PRKG1: variants seen among roughly 807,000 people sequenced by gnomAD.
PRKG1 encodes cGMP-dependent protein kinase 1.
Under a neutral mutation model 88.1 loss-of-function variants are expected in PRKG1, and 35 were observed. That is an observed-to-expected ratio of 0.40 (90% CI 0.30 to 0.53). The LOEUF (loss-of-function observed/expected upper bound fraction) is 0.53, where lower values mean the gene tolerates loss of function less well. Among genes scored for constraint, PRKG1 ranks in the 20% least tolerant of loss-of-function variants. PRKG1 has a pLI of 0.59. For missense variants in PRKG1, 540 were observed against 839.8 expected, an observed-to-expected ratio of 0.64 and a Z score of 4.41; for synonymous variants, 303 against 292.5, an observed-to-expected ratio of 1.04 and a Z score of -0.37.
intron 1 of PRKG1, among the ~76,000 whole-genome samples, chr10:51,013,682 GC>G (rs1843021897): frequency 6.6e-6 from 1 of 152,116 alleles, no homozygotes; most frequent in African/African-American, 2.4e-5. Context: ...GAGCCACTGC[GC>G]CCGGCCCTGT....
intron 2 of PRKG1, among the ~76,000 whole-genome samples, chr10:51,381,082 C>T (rs1352103814): frequency 6.6e-6 from 1 of 150,430 alleles, no homozygotes. Flanking sequence ...CATGGTGAAA[C>T]CCCATCTCTA....
chr10:51,687,341 T>A (rs967454601), intron 3 of PRKG1, among the ~76,000 whole-genome samples: 1 of 152,198 alleles, frequency 6.6e-6, no homozygotes, highest in African/African-American at 2.4e-5. Context: ...ACTATTCTTG[T>A]TATACTGGTC....
chr10:51,753,237 T>G (rs7921318), intron 3 of PRKG1, among the ~76,000 whole-genome samples: 72,253 of 151,874 alleles, frequency 0.48, 17,788 homozygotes, highest in Middle Eastern at 0.61. Context: ...AGAAATCATA[T>G]AATGATTAAA....
chr10:52,170,116 G>T (rs12762538), intron 9 of PRKG1, among the ~76,000 whole-genome samples: 26,862 of 152,102 alleles, frequency 0.18, 2,834 homozygotes, highest in Non-Finnish European at 0.24. Context: ...GAATAAAAAG[G>T]TTTTCTTAAT....
intron 2 of PRKG1, among the ~76,000 whole-genome samples, chr10:51,220,730 TGTATAGGGAA>T (rs1478906260): frequency 6.6e-6 from 1 of 152,172 alleles, no homozygotes; most frequent in Non-Finnish European, 1.5e-5. Flanking sequence ...TGTGTTTGTA[TGTATAGGGAA>T]GTTTATTTTT....
intron 1 of PRKG1, among the ~76,000 whole-genome samples, chr10:51,022,590 T>C (rs1041640840): frequency 6.6e-6 from 1 of 152,156 alleles, no homozygotes; most frequent in Non-Finnish European, 1.5e-5. Flanking sequence ...CTCAGCTCTT[T>C]AATGTAAACT....
chr10:52,233,593 G>T, intron 9 of PRKG1, among the ~76,000 whole-genome samples: 1 of 147,640 alleles, frequency 6.8e-6, no homozygotes, highest in African/African-American at 2.5e-5. Context: ...CCCGAATATT[G>T]CGCTTTTCAG....
intron 2 of PRKG1, among the ~76,000 whole-genome samples, chr10:51,252,055 ATG>A (rs139723461): frequency 6.6e-6 from 1 of 151,516 alleles, no homozygotes; most frequent in African/African-American, 2.4e-5. Flanking sequence ...AATGTAATTC[ATG>A]TGTGTGTGTG....
intron 7 of PRKG1, among the ~76,000 whole-genome samples, chr10:52,131,596 C>A (rs983851694): frequency 4.0e-5 from 6 of 151,816 alleles, no homozygotes; most frequent in Non-Finnish European, 8.8e-5. Flanking sequence ...CTTGTAATCT[C>A]AGCACTTTGG....
At chr10:52,213,857 A>G (rs1270311988) in intron 9 of PRKG1, among the ~76,000 whole-genome samples, 1 of 152,228 alleles carries the variant, frequency 6.6e-6, no homozygotes, top group African/African-American at 2.4e-5. Flanking sequence ...TCCATTATAA[A>G]TAACTTATAA....
At chr10:51,086,568 A>T (rs191315068) in intron 1 of PRKG1, among the ~76,000 whole-genome samples, 1 of 152,320 alleles carries the variant, frequency 6.6e-6, no homozygotes, top group East Asian at 1.9e-4. Flanking sequence ...ATTAAAATTC[A>T]TATTCTATTC....
At chr10:51,984,874 G>A (rs1844112625) in intron 5 of PRKG1, among the ~76,000 whole-genome samples, 1 of 152,114 alleles carries the variant, frequency 6.6e-6, no homozygotes, top group South Asian at 2.1e-4. Flanking sequence ...TACTTGGTAA[G>A]GCAAGGTCAT....
At chr10:51,895,016 C>T (rs1326029244) in intron 4 of PRKG1, among the ~76,000 whole-genome samples, 2 of 152,066 alleles carry the variant, frequency 1.3e-5, no homozygotes, top group African/African-American at 2.4e-5. Context: ...GAACTCTTGT[C>T]TAAATGAGAA....
At chr10:52,218,563 C>T (rs970287970) in intron 9 of PRKG1, among the ~76,000 whole-genome samples, 1 of 152,092 alleles carries the variant, frequency 6.6e-6, no homozygotes, top group Non-Finnish European at 1.5e-5. Flanking sequence ...TTTTGGTTCA[C>T]AACAGCCAAG....
intron 5 of PRKG1, among the ~76,000 whole-genome samples, chr10:51,991,197 T>C (rs903707234): frequency 6.6e-5 from 10 of 152,164 alleles, no homozygotes; most frequent in African/African-American, 1.9e-4. Context: ...CCTGCAACTT[T>C]ACTGAGTTTG....
At chr10:51,075,034 A>G in intron 1 of PRKG1, 133 bp downstream of exon 1, 1 of 1,299,320 alleles carries the variant, frequency 7.7e-7, no homozygotes. Flanking sequence ...TTTCATTTTA[A>G]CGGGCACTTC....
At chr10:52,100,038 T>A (rs572072292) in intron 7 of PRKG1, among the ~76,000 whole-genome samples, 1 of 152,252 alleles carries the variant, frequency 6.6e-6, no homozygotes, top group Admixed American at 6.5e-5. Flanking sequence ...CTTCCAGAGA[T>A]TTCGTAAGCC....
At chr10:51,132,268 C>T (rs1845584554) in intron 1 of PRKG1, among the ~76,000 whole-genome samples, 1 of 152,110 alleles carries the variant, frequency 6.6e-6, no homozygotes, top group African/African-American at 2.4e-5. Context: ...CTGTTGCCTG[C>T]CTGAGGCTAC....
chr10:51,414,367 A>T (rs969544026), intron 2 of PRKG1, among the ~76,000 whole-genome samples: 2 of 152,184 alleles, frequency 1.3e-5, no homozygotes, highest in East Asian at 3.9e-4. Flanking sequence ...TGTAATCTTG[A>T]CCAGGTGGTC....
Sources: gnomAD v4.1 joint callset for allele counts (sites outside exome capture counted in the v4.1 genomes callset) on GRCh38, gnomAD v4.1.1 for gene constraint, MANE v1.5 for transcripts, NCBI Gene and HGNC (gene_info 2026-07-23, HGNC 2026-07-21) for gene names.